The following GRIK2 variants were observed in gnomAD, a reference collection of about 807,000 sequenced individuals.
The protein encoded by GRIK2 is glutamate receptor ionotropic, kainate 2.
Under a neutral mutation model 100.3 loss-of-function variants are expected in GRIK2, and 32 were observed. That is an observed-to-expected ratio of 0.32 (90% CI 0.24 to 0.43). GRIK2 has a LOEUF of 0.43. Among genes scored for constraint, GRIK2 ranks in the 20% least tolerant of loss-of-function variants. The pLI, the probability that GRIK2 is intolerant of heterozygous loss-of-function variation, is 1.00. For missense variants in GRIK2, 843 were observed against 1,114.9 expected, an observed-to-expected ratio of 0.76 and a Z score of 3.47; for synonymous variants, 417 against 389.4, an observed-to-expected ratio of 1.07 and a Z score of -0.83.
At chr6:102,060,633 T>G (rs1195803263) in intron 16 of GRIK2, among the ~76,000 whole-genome samples, 3 of 150,698 alleles carry the variant, frequency 2.0e-5, no homozygotes, top group African/African-American at 7.3e-5. Flanking sequence ...TTATAAATTA[T>G]CAGTAAAAAT....
intron 9 of GRIK2, among the ~76,000 whole-genome samples, chr6:101,807,108 T>A (rs949135425): frequency 3.3e-5 from 5 of 152,000 alleles, no homozygotes; most frequent in Admixed American, 2.0e-4. Context: ...CTCAAGTGTC[T>A]GATGCAGAGT....
At chr6:101,651,249 GT>G (rs1453962688) in intron 4 of GRIK2, among the ~76,000 whole-genome samples, 3 of 152,038 alleles carry the variant, frequency 2.0e-5, no homozygotes, top group African/African-American at 7.2e-5. Flanking sequence ...ATTTTGTCTG[GT>G]ACTGGCAGAT....
At chr6:101,760,359 T>A (rs1206971375) in intron 7 of GRIK2, among the ~76,000 whole-genome samples, 1 of 95,610 alleles carries the variant, frequency 1.0e-5, no homozygotes, top group Admixed American at 1.6e-4. Context: ...ATTAATTATA[T>A]TTAATTATAT....
chr6:101,543,813 C>T (rs1308531014), intron 2 of GRIK2, among the ~76,000 whole-genome samples: 1 of 152,176 alleles, frequency 6.6e-6, no homozygotes, highest in African/African-American at 2.4e-5. Flanking sequence ...ATGCTACATA[C>T]ATTTTGCTAA....
chr6:101,512,439 A>G (rs1192399147), intron 2 of GRIK2, among the ~76,000 whole-genome samples: 2 of 152,042 alleles, frequency 1.3e-5, no homozygotes, highest in African/African-American at 2.4e-5. Context: ...ACAAAAATAT[A>G]TAGATCTAAG....
chr6:101,898,386 C>T (rs1054270660), intron 12 of GRIK2, among the ~76,000 whole-genome samples: 1 of 151,520 alleles, frequency 6.6e-6, no homozygotes, highest in Admixed American at 6.6e-5. Flanking sequence ...AATTTAGAAA[C>T]TTGGCAGTTT....
chr6:101,965,161 G>T (rs1254373182), intron 14 of GRIK2, among the ~76,000 whole-genome samples: 1 of 151,980 alleles, frequency 6.6e-6, no homozygotes, highest in Non-Finnish European at 1.5e-5. Flanking sequence ...GAACACCAAG[G>T]CAACATAAAA....
intron 4 of GRIK2, among the ~76,000 whole-genome samples, chr6:101,633,381 G>T (rs914709807): frequency 6.6e-6 from 1 of 152,096 alleles, no homozygotes; most frequent in Non-Finnish European, 1.5e-5. Flanking sequence ...TGACCCTGTC[G>T]TGTAGTTTTT....
intron 2 of GRIK2, among the ~76,000 whole-genome samples, chr6:101,587,397 T>C (rs369360995): frequency 6.6e-6 from 1 of 151,922 alleles, no homozygotes; most frequent in Non-Finnish European, 1.5e-5. Context: ...TCCGTCTGTC[T>C]GTCCCTCCGT....
At chr6:101,860,079 A>G (rs1784649479) in intron 11 of GRIK2, among the ~76,000 whole-genome samples, 1 of 151,994 alleles carries the variant, frequency 6.6e-6, no homozygotes, top group Non-Finnish European at 1.5e-5. Flanking sequence ...CTCTTTCTTA[A>G]GAGGACCTTA....
chr6:101,458,666 T>G (rs1156858267), intron 2 of GRIK2, among the ~76,000 whole-genome samples: 1 of 152,168 alleles, frequency 6.6e-6, no homozygotes, highest in Non-Finnish European at 1.5e-5. Flanking sequence ...CCAGTCCACC[T>G]CTGCTAGACA....
chr6:101,403,788 G>A (rs187053696), intron 2 of GRIK2, among the ~76,000 whole-genome samples: 1 of 152,176 alleles, frequency 6.6e-6, no homozygotes, highest in Admixed American at 6.5e-5. Flanking sequence ...AGGCGGGGAT[G>A]GGGGAGTAAT....
At chr6:101,981,899 T>C (rs1315044524) in intron 14 of GRIK2, among the ~76,000 whole-genome samples, 1 of 151,944 alleles carries the variant, frequency 6.6e-6, no homozygotes, top group Non-Finnish European at 1.5e-5. Flanking sequence ...AGATGAAAGA[T>C]AGAAGTGCAT....
intron 2 of GRIK2, among the ~76,000 whole-genome samples, chr6:101,403,204 T>C (rs1165247021): frequency 2.6e-5 from 4 of 152,234 alleles, no homozygotes; most frequent in African/African-American, 4.8e-5. Context: ...TTATCTGAAC[T>C]GGAATTTAGA....
At chr6:101,862,865 C>T (rs1218282836) in intron 11 of GRIK2, among the ~76,000 whole-genome samples, 1 of 152,130 alleles carries the variant, frequency 6.6e-6, no homozygotes, top group Non-Finnish European at 1.5e-5. Context: ...TAATAATCTA[C>T]TCTTTCAGTC....
intron 7 of GRIK2, among the ~76,000 whole-genome samples, chr6:101,706,124 A>T (rs1725405547): frequency 6.6e-6 from 1 of 151,918 alleles, no homozygotes; most frequent in Admixed American, 6.6e-5. Flanking sequence ...GATGAACATC[A>T]TGAGGACATC....
intron 4 of GRIK2, among the ~76,000 whole-genome samples, chr6:101,659,415 C>A (rs971725585): frequency 6.6e-6 from 1 of 152,030 alleles, no homozygotes; most frequent in Admixed American, 6.6e-5. Flanking sequence ...TTACTGTAGC[C>A]TTTTAGTATA....
chr6:101,414,671 G>A (rs1475200686), intron 2 of GRIK2, among the ~76,000 whole-genome samples: 1 of 152,130 alleles, frequency 6.6e-6, no homozygotes, highest in Non-Finnish European at 1.5e-5. Context: ...ATGCTGTAGT[G>A]ATCGCAGATA....
rs1458046335 is a variant in GRIK2, at chr6:101,749,341, T to C, written c.952-50307T>C. ...CCAGGCTGGTCTTGAACTCCTGACC[T>C]TGAGTGATCCATCTGTCTCGGCCCC... is the stretch of plus-strand genomic sequence containing the variant. On this transcript the variant is annotated intron_variant, in intron 7 of 16. Coordinates refer to ENST00000369134, the MANE Select transcript of GRIK2 (RefSeq NM_021956.5). 3.9e-5 allele frequency among the ~76,000 whole-genome samples: 6 copies of C among 152,080 alleles called. No homozygotes were observed. In the South Asian group the frequency reaches 1.2e-3, roughly 32 times the overall value.
Sources: gnomAD v4.1 joint callset for allele counts (sites outside exome capture counted in the v4.1 genomes callset) on GRCh38, gnomAD v4.1.1 for gene constraint, MANE v1.5 for transcripts, NCBI Gene and HGNC (gene_info 2026-07-23, HGNC 2026-07-21) for gene names.